Variants in PRKCH observed in about 807,000 individuals in gnomAD.
PRKCH encodes the protein protein kinase C eta.
A neutral mutation model predicts 82.5 loss-of-function variants in PRKCH; 28 were observed. The observed-to-expected ratio is 0.34, with a 90% confidence interval of 0.25 to 0.47. The LOEUF is 0.47. Ranked by LOEUF, PRKCH falls within the 20% of genes least tolerant of loss-of-function variation. The pLI is 1.00. For synonymous variants in PRKCH, 322 were observed against 327.4 expected (o/e 0.98, Z 0.18); for missense variants, 705 against 881.8 (o/e 0.80, Z 2.54).
At chr14:61,385,829 G>T (rs1241562536) in intron 1 of PRKCH, among the ~76,000 whole-genome samples, 9 of 152,128 alleles carry the variant, frequency 5.9e-5, no homozygotes, top group Non-Finnish European at 8.8e-5. Context: ...TTGGGGACAG[G>T]GCATAATGAC....
intron 1 of PRKCH, among the ~76,000 whole-genome samples, chr14:61,255,180 A>T (rs2044987029): frequency 6.6e-6 from 1 of 152,196 alleles, no homozygotes; most frequent in Non-Finnish European, 1.5e-5. Flanking sequence ...TCTTAGCAGG[A>T]TTGAGGGAGT....
At chr14:61,271,675 A>G (rs1036477310) in intron 1 of PRKCH, among the ~76,000 whole-genome samples, 4 of 152,164 alleles carry the variant, frequency 2.6e-5, no homozygotes. Flanking sequence ...ATTAGCACCT[A>G]CTTCATAGGA....
At chr14:61,246,600 C>A (rs1486502188) in intron 1 of PRKCH, among the ~76,000 whole-genome samples, 1 of 152,026 alleles carries the variant, frequency 6.6e-6, no homozygotes, top group African/African-American at 2.4e-5. Context: ...CTGCTTAAAA[C>A]CCTGCCCTGG....
intron 12 of PRKCH, among the ~76,000 whole-genome samples, chr14:61,532,094 C>G (rs2043050182): frequency 6.6e-6 from 1 of 152,216 alleles, no homozygotes; most frequent in African/African-American, 2.4e-5. Flanking sequence ...AAAAAGCATG[C>G]CAGCCTTCTG....
chr14:61,519,280 TG>T (rs1185391810), intron 10 of PRKCH, among the ~76,000 whole-genome samples: 3 of 109,560 alleles, frequency 2.7e-5, no homozygotes. Context: ...AGATTATGAA[TG>T]AATGAATGAA....
At chr14:61,530,726 A>G in intron 12 of PRKCH, 131 bp downstream of exon 12, 1 of 788,052 alleles carries the variant, frequency 1.3e-6, no homozygotes. Flanking sequence ...GTTCTAATCT[A>G]AAGAATCAAA....
intron 6 of PRKCH, among the ~76,000 whole-genome samples, chr14:61,451,325 G>A (rs1311832455): frequency 6.6e-6 from 1 of 151,862 alleles, no homozygotes; most frequent in Non-Finnish European, 1.5e-5. Flanking sequence ...ACACTAAAAA[G>A]AAAAAAATAA....
At chr14:61,479,653 A>T (rs1566905335) in intron 9 of PRKCH, among the ~76,000 whole-genome samples, 1 of 152,146 alleles carries the variant, frequency 6.6e-6, no homozygotes, top group Non-Finnish European at 1.5e-5. Flanking sequence ...ACAGCCCTTA[A>T]TGAGGGGGCC....
intron 12 of PRKCH, among the ~76,000 whole-genome samples, chr14:61,542,729 A>G (rs1217266423): frequency 1.3e-5 from 2 of 152,206 alleles, no homozygotes; most frequent in African/African-American, 4.8e-5. Flanking sequence ...TTTTAGTAGA[A>G]CAGGATGGAC....
chr14:61,295,163 G>A (rs2045396709), intron 1 of PRKCH, among the ~76,000 whole-genome samples: 1 of 152,100 alleles, frequency 6.6e-6, no homozygotes, highest in Non-Finnish European at 1.5e-5. Context: ...ACCACGCCTG[G>A]CTCTTGTACC....
chr14:61,439,604 C>T (rs921319126), intron 2 of PRKCH, among the ~76,000 whole-genome samples: 4 of 146,634 alleles, frequency 2.7e-5, no homozygotes, highest in Admixed American at 6.6e-5. Context: ...GGTGCACTCC[C>T]GGCCTGCTGT....
chr14:61,299,457 G>A (rs1352379986), intron 1 of PRKCH, among the ~76,000 whole-genome samples: 1 of 139,688 alleles, frequency 7.2e-6, no homozygotes, highest in African/African-American at 2.5e-5. Context: ...TTATCGGGAA[G>A]CTGCGGATCA....
At chr14:61,503,065 C>T (rs1053344283) in intron 10 of PRKCH, among the ~76,000 whole-genome samples, 4 of 133,442 alleles carry the variant, frequency 3.0e-5, no homozygotes, top group African/African-American at 8.6e-5. Context: ...TATACTGTGG[C>T]GGTGAAATCA....
intron 1 of PRKCH, among the ~76,000 whole-genome samples, chr14:61,255,232 C>T (rs1279443476): frequency 6.6e-6 from 1 of 152,118 alleles, no homozygotes; most frequent in Admixed American, 6.5e-5. Context: ...TCACTTAAAC[C>T]AAGCAGCAAA....
intron 1 of PRKCH, chr14:61,347,806 T>G (rs917871033): frequency 6.6e-6 from 1 of 152,510 alleles, no homozygotes; most frequent in African/African-American, 2.4e-5. Context: ...GAGCATTGAC[T>G]TCATTCGGTC....
chr14:61,223,732 G>A (rs2044673368), intron 1 of PRKCH, among the ~76,000 whole-genome samples: 1 of 152,162 alleles, frequency 6.6e-6, no homozygotes, highest in African/African-American at 2.4e-5. Flanking sequence ...AACTGTCATG[G>A]CCAGAGGCTT....
At chr14:61,228,123 T>G (rs2044712122) in intron 1 of PRKCH, among the ~76,000 whole-genome samples, 2 of 152,132 alleles carry the variant, frequency 1.3e-5, no homozygotes, top group South Asian at 4.1e-4. Context: ...TTTTCATTCA[T>G]TATACAGTAG....
At chr14:61,229,332 T>C (rs956467721) in intron 1 of PRKCH, among the ~76,000 whole-genome samples, 1 of 152,110 alleles carries the variant, frequency 6.6e-6, no homozygotes, top group Non-Finnish European at 1.5e-5. Context: ...AACTTGGAGA[T>C]AGATTGCAGG....
chr14:61,376,310 G>C (rs2046427661), intron 1 of PRKCH, among the ~76,000 whole-genome samples: 2 of 152,036 alleles, frequency 1.3e-5, no homozygotes, highest in South Asian at 4.1e-4. Flanking sequence ...TTTGCTCTTT[G>C]AACTGTACAA....
Sources: allele counts gnomAD v4.1 joint callset (sites outside exome capture counted in the v4.1 genomes callset), GRCh38; gene constraint gnomAD v4.1.1; transcripts MANE v1.5; gene names NCBI Gene and HGNC (gene_info 2026-07-23, HGNC 2026-07-21).